Variants in DDX60 observed in about 807,000 individuals in gnomAD.
DDX60 encodes the protein DExD/H-box helicase 60.
A neutral mutation model predicts 212.8 loss-of-function variants in DDX60; 165 were observed. That is an observed-to-expected ratio of 0.78 (90% CI 0.68 to 0.88). The LOEUF (loss-of-function observed/expected upper bound fraction) is 0.88, where lower values mean the gene tolerates loss of function less well. Among genes scored for constraint, DDX60 ranks in the 40% least tolerant of loss-of-function variants. DDX60 has a pLI of 0.00. For synonymous variants in DDX60, 703 were observed against 685.3 expected (o/e 1.03, Z -0.40); for missense variants, 1,905 against 2,003.9 (o/e 0.95, Z 0.94).
In DDX60 at chr4:168,246,604, A is replaced by G; in HGVS notation, c.3978T>C (p.Ala1326=). The change falls in exon 30 of 38, where the codon GCT becomes GCC. Residue 1326 remains alanine (A), a synonymous_variant. Transcript: ENST00000393743. The part of the protein sequence containing the change: ...ALNYRQMSGR[A]GRRGQDLMGD... ...CCATCAGGTCTTGACCTCTTCTTCC[A>G]GCACGGCCAGACATCTGAAAAGAGA... is the stretch of plus-strand genomic sequence containing the variant. The G allele has an allele frequency of 6.2e-7, 1 of 1,614,102 alleles. No homozygotes were observed. The highest frequency in any genetic ancestry group is 8.5e-7 in the Non-Finnish European group (1 of 1,179,966).
the DDX60 span, among the ~76,000 whole-genome samples, chr4:168,325,389 T>C: frequency 3.1e-4 from 47 of 152,254 alleles, no homozygotes; most frequent in Admixed American, 5.2e-4. Flanking sequence ...ACAAAGAGAG[T>C]TCATTCTCTA....
chr4:168,297,310 GAAAGAA>G (rs1736404696), intron 6 of DDX60, among the ~76,000 whole-genome samples: 1 of 19,590 alleles, frequency 5.1e-5, no homozygotes, highest in Non-Finnish European at 8.2e-5. Context: ...AAGAAAGAAA[GAAAGAA>G]AGAAAGAAAG....
Position 168,268,906 on chromosome 4 carries a change from A to G in DDX60, c.2734T>C (p.Cys912Arg). The G allele has an allele frequency of 6.2e-7, 1 of 1,600,484 alleles. No individual in the cohort carries two copies. The highest frequency in any genetic ancestry group is 8.5e-7 in the Non-Finnish European group (1 of 1,171,292). ...GTAGCTGAAAGAGCCAAAAAGGGAC[A>G]TCGGATCATGACAAGGAGATGTTCC... ...IWEHLLVMIR[C>R]PFLALSATIS... Residue 912 changes from cysteine (C) to arginine (R), a missense_variant, in exon 20 of 38, where the codon TGT (cysteine) becomes CGT (arginine). Transcript: ENST00000393743.
rs762841596 is a variant in DDX60 at position 168,255,788 on chromosome 4, G to T, written c.3480C>A (p.Pro1160=). ...LKKKQETKRP[P]KADKEAHVMA... ...TGACATGGGCTTCTTTATCAGCTTT[G>T]GGAGGCCTTTTTGTCTCCTGCTTTT... Residue 1160 remains proline, a synonymous_variant, in exon 26 of 38, where the codon CCC becomes CCA. Transcript: ENST00000393743. The T allele has an allele frequency of 1.2e-6, 2 of 1,608,542 alleles. No homozygotes were observed. The highest frequency in any genetic ancestry group is 2.7e-5 in the African/African-American group (2 of 74,356).
rs372159588 is a variant in DDX60, at chr4:168,277,788, G to A, written c.1979-1607C>T. Among the ~76,000 whole-genome samples, 135 of 126,626 alleles carry A rather than the reference G, an allele frequency of 1.1e-3. 1 individual carries two copies. In the South Asian group the frequency reaches 0.021, roughly 20 times the overall value. The allele number at this position is 126,626 out of a possible 152,430, so 83.1% of individuals were successfully genotyped here. A position where few individuals can be genotyped will look rare whatever the true frequency, so the allele number is the denominator to read the frequency against. On this transcript the variant is annotated intron_variant, in intron 14 of 37. Coordinates refer to ENST00000393743, the MANE Select transcript of DDX60 (RefSeq NM_017631.6). ...AGTGCCACTGCACTGCAGCCTGAGC[G>A]AAAGAGCGAGACTCCATCTCAAAAA... is the stretch of plus-strand genomic sequence containing the variant.
At chr4:168,273,228 C>CAAGT in intron 18 of DDX60, 51 bp downstream of exon 18, 1 of 1,550,492 alleles carries the variant, frequency 6.4e-7, no homozygotes, top group Non-Finnish European at 8.8e-7. Context: ...AAGAGACATA[C>CAAGT]AAGTACAGTT....
intron 16 of DDX60, 138 bp from the exon 17 acceptor site, chr4:168,274,221 C>T: frequency 9.7e-7 from 1 of 1,027,944 alleles, no homozygotes; most frequent in Non-Finnish European, 1.4e-6. Context: ...TCATGTCATT[C>T]TCTCAGAAGA....
In DDX60 at chr4:168,285,395, CT is replaced by C; in HGVS notation, c.1442del (p.Lys481ArgfsTer28). 6.2e-7 allele frequency: 1 copy of C among 1,604,342 alleles called. No individual in the cohort carries two copies. Among genetic ancestry groups the C allele is most frequent in the Non-Finnish European group, 8.5e-7 (1 of 1,174,070 alleles). On this transcript the variant is annotated frameshift_variant, in exon 11 of 38. Transcript: ENST00000393743. LOFTEE classifies it high-confidence loss of function. ...GDILKDLPFL[K>X]SDDPIVTSLV... ...AGGCACAGTTTTTGGCCTTATACCT[CT>C]TTAGAAAAGGCAAATCTTTCAAAAT...
chr4:168,307,215 G>A (rs1392740198), intron 4 of DDX60, among the ~76,000 whole-genome samples: 1 of 152,000 alleles, frequency 6.6e-6, no homozygotes. Flanking sequence ...AAACATGGCT[G>A]GCAAGCATTC....
chr4:168,248,561 C>T (rs1734101647), intron 28 of DDX60, among the ~76,000 whole-genome samples: 1 of 152,178 alleles, frequency 6.6e-6, no homozygotes, highest in Admixed American at 6.5e-5. Context: ...ACAGAGGAAT[C>T]TGTAGCTCAC....
At chr4:168,284,409 G>A (rs1735729690) in intron 12 of DDX60, among the ~76,000 whole-genome samples, 1 of 152,144 alleles carries the variant, frequency 6.6e-6, no homozygotes, top group Non-Finnish European at 1.5e-5. Context: ...GGTTTCATGG[G>A]CCTCCTTCTG....
intron 19 of DDX60, 129 bp downstream of exon 19, chr4:168,271,914 G>GAAA: frequency 2.9e-6 from 2 of 686,118 alleles, no homozygotes; most frequent in Non-Finnish European, 4.8e-6. Flanking sequence ...AATCACTCAG[G>GAAA]AAAAAAAAAC....
chr4:168,235,743 T>C (rs1038842478), intron 33 of DDX60, among the ~76,000 whole-genome samples: 10 of 152,100 alleles, frequency 6.6e-5, no homozygotes, highest in Non-Finnish European at 1.5e-4. Flanking sequence ...AAAGAAAATG[T>C]TGCATGTTAC....
chr4:168,319,595 T>G (rs1196771923), upstream of DDX60, among the ~76,000 whole-genome samples: 1 of 152,220 alleles, frequency 6.6e-6, no homozygotes, highest in Non-Finnish European at 1.5e-5. Context: ...GTGCCTCAAA[T>G]TGATGAAATG....
At chr4:168,218,164 C>T (rs543065436) in intron 37 of DDX60, among the ~76,000 whole-genome samples, 7 of 152,260 alleles carry the variant, frequency 4.6e-5, no homozygotes, top group Non-Finnish European at 1.0e-4. Context: ...TGACCTACCA[C>T]AAAAATTGAT....
At position 168,245,081 on chromosome 4, in the gene DDX60, A is replaced by G. The variant is rs1008761337; in HGVS notation, c.4164+1337T>C. Among the ~76,000 whole-genome samples, 9 of 152,340 alleles carry G rather than the reference A, an allele frequency of 5.9e-5. No individual in the cohort carries two copies. In the East Asian group the frequency reaches 9.6e-4, roughly 16 times the overall value. On this transcript the variant is annotated intron_variant, in intron 30 of 37. Coordinates refer to ENST00000393743, the MANE Select transcript of DDX60 (RefSeq NM_017631.6). ...CTGAACTGTACACTTAAAATGGTTA[A>G]GATGGTAAATTTTATATGCATTTCA... is the stretch of plus-strand genomic sequence containing the variant.
chr4:168,314,321 TCACA>T (rs10687990), intron 1 of DDX60, among the ~76,000 whole-genome samples: 29 of 148,740 alleles, frequency 1.9e-4, no homozygotes, highest in East Asian at 1.2e-3. Context: ...GATTGAACAC[TCACA>T]CACACACACA....
rs954758130 is a variant in DDX60 at position 168,264,267 on chromosome 4, T to A, written c.3040-1480A>T. Among the ~76,000 whole-genome samples the A allele has an allele frequency of 3.9e-5, 6 of 152,314 alleles. No individual in the cohort carries two copies. In the East Asian group the frequency reaches 1.2e-3, roughly 29 times the overall value. ...AGTGAGAGCAGACAAAATCAACATA[T>A]GTTCTTCAAACCTTTAAAACTATAG... On this transcript the variant is annotated intron_variant, in intron 22 of 37. Transcript: ENST00000393743.
rs369690004 is a variant in DDX60, at chr4:168,284,836, G to C, written c.1545C>G (p.Ser515=). The part of the protein sequence containing the change: ...HKPLSDDYDR[S]RCQFDEKSRD... The stretch of plus-strand genomic sequence containing the variant: ...AGAGCTTACCATCAAACTGACACCT[G>C]GACCTGTCATAATCATCACTCAGGG... Residue 515 remains serine (S), a synonymous_variant, in exon 12 of 38, where the codon TCC becomes TCG. Coordinates refer to ENST00000393743, the MANE Select transcript of DDX60 (RefSeq NM_017631.6). 1 of 1,549,662 alleles carries C rather than the reference G, an allele frequency of 6.5e-7. No individual in the cohort carries two copies. The highest frequency in any genetic ancestry group is 1.4e-5 in the African/African-American group (1 of 73,876).
Sources: allele counts gnomAD v4.1 joint callset (sites outside exome capture counted in the v4.1 genomes callset), GRCh38; gene constraint gnomAD v4.1.1; transcripts MANE v1.5; gene names NCBI Gene and HGNC (gene_info 2026-07-23, HGNC 2026-07-21).